The following DNA2 variants were observed in gnomAD, a reference collection of about 807,000 sequenced individuals.
DNA2 encodes DNA replication ATP-dependent helicase/nuclease DNA2.
DNA2 carries 101 observed loss-of-function variants against 119.1 expected under a neutral mutation model. The observed-to-expected ratio is 0.85, with a 90% confidence interval of 0.72 to 1.00. The LOEUF (loss-of-function observed/expected upper bound fraction) is 1.00. Among genes scored for constraint, DNA2 ranks in the 50% least tolerant of loss-of-function variants. The pLI is 0.00. For missense variants in DNA2, 1,121 were observed against 1,255.5 expected, an observed-to-expected ratio of 0.89 and a Z score of 1.62; for synonymous variants, 366 against 424.4, an observed-to-expected ratio of 0.86 and a Z score of 1.69.
intron 13 of DNA2, among the ~76,000 whole-genome samples, chr10:68,431,363 A>G (rs1239536981): frequency 6.6e-6 from 1 of 151,866 alleles, no homozygotes; most frequent in East Asian, 1.9e-4. Flanking sequence ...GCTCACTACA[A>G]CCTCTGCCTC....
upstream of DNA2, chr10:68,472,212 A>G (rs1254497007): frequency 5.7e-6 from 7 of 1,236,848 alleles, no homozygotes; most frequent in Non-Finnish European, 7.3e-6. Context: ...CTCCTGCTTC[A>G]GCCTCCCAAG....
At chr10:68,418,769 T>G (rs939774620) in intron 19 of DNA2, among the ~76,000 whole-genome samples, 7 of 148,888 alleles carry the variant, frequency 4.7e-5, no homozygotes, top group Non-Finnish European at 8.9e-5. Flanking sequence ...ACCTCCTGGG[T>G]TCAAGCAATT....
intron 20 of DNA2, 68 bp from the exon 21 acceptor site, chr10:68,415,175 T>A (rs1487599706): frequency 3.0e-6 from 3 of 988,632 alleles, no homozygotes; most frequent in Non-Finnish European, 4.5e-6. Context: ...CATTATTATT[T>A]AACATTTTGT....
intron 18 of DNA2, 150 bp from the exon 19 acceptor site, chr10:68,419,363 G>T: frequency 1.6e-6 from 1 of 628,178 alleles, no homozygotes; most frequent in Non-Finnish European, 2.6e-6. Context: ...TACTGAATTT[G>T]CTCTAAATCT....
intron 10 of DNA2, 140 bp downstream of exon 10, chr10:68,436,871 C>CA: frequency 3.1e-6 from 2 of 649,920 alleles, no homozygotes; most frequent in Non-Finnish European, 5.1e-6. Context: ...TGAAAATACT[C>CA]AAAGTTGATT....
At chr10:68,451,496 AAG>A (rs1216364499) in intron 5 of DNA2, among the ~76,000 whole-genome samples, 29 of 152,182 alleles carry the variant, frequency 1.9e-4, no homozygotes, top group African/African-American at 5.5e-4. Flanking sequence ...GCAGAAAGAT[AAG>A]AGTTACCTCT....
intron 17 of DNA2, 117 bp downstream of exon 17, chr10:68,422,108 C>A (rs978593093): frequency 3.7e-6 from 3 of 808,936 alleles, no homozygotes; most frequent in Non-Finnish European, 3.7e-6. Flanking sequence ...CCACCACGCC[C>A]AGCCTAGTTT....
chr10:68,445,938 C>A (rs2052033132), intron 7 of DNA2, among the ~76,000 whole-genome samples: 1 of 151,954 alleles, frequency 6.6e-6, no homozygotes, highest in Admixed American at 6.6e-5. Context: ...ACCAGCCTGG[C>A]CAACATGGCG....
Position 68,422,438 on chromosome 10 carries a change from A to G in DNA2, c.2493-9T>C. On this transcript the variant is annotated splice_polypyrimidine_tract_variant and intron_variant, in intron 16 of 20. Coordinates refer to ENST00000358410, the MANE Select transcript of DNA2 (RefSeq NM_001080449.3). ...TTAAGGACATAATTTTACTAAGGGA[A>G]TTACAAAAGATAACTTTAGTTTTGG... 6.2e-7 allele frequency: 1 copy of G among 1,613,108 alleles called. No homozygotes were observed. Among genetic ancestry groups the G allele is most frequent in the Non-Finnish European group, 8.5e-7 (1 of 1,179,432 alleles).
chr10:68,443,073 A>G lies in DNA2; in HGVS notation c.1259T>C (p.Ile420Thr). ...EQQMDCSSVPIVMLPKIEEET... is the reference protein window; with the variant it reads ...EQQMDCSSVPTVMLPKIEEET... ...TTCTTCTATTTTGGGCAGCATCACAATTGGGACTGAACTACAATCCATCTG... is the reference window on the plus strand; with the variant it reads ...TTCTTCTATTTTGGGCAGCATCACAGTTGGGACTGAACTACAATCCATCTG... The change falls in exon 9 of 21, where the codon ATT (isoleucine) becomes ACT (threonine). Residue 420 changes from isoleucine to threonine, a missense_variant. Coordinates refer to ENST00000358410, the MANE Select transcript of DNA2 (RefSeq NM_001080449.3). 6.3e-7 allele frequency: 1 copy of G among 1,582,676 alleles called. No homozygotes were observed. Among genetic ancestry groups the G allele is most frequent in the South Asian group, 1.1e-5 (1 of 87,094 alleles).
At chr10:68,421,639 G>A (rs2051666054) in intron 17 of DNA2, among the ~76,000 whole-genome samples, 1 of 151,368 alleles carries the variant, frequency 6.6e-6, no homozygotes, top group African/African-American at 2.4e-5. Flanking sequence ...TGTAATCCCA[G>A]CTACTTGGGT....
intron 9 of DNA2, among the ~76,000 whole-genome samples, chr10:68,439,960 T>A (rs2051945814): frequency 6.6e-6 from 1 of 151,216 alleles, no homozygotes; most frequent in African/African-American, 2.4e-5. Flanking sequence ...GCTGAGATCG[T>A]GCCACTGCAC....
intron 14 of DNA2, among the ~76,000 whole-genome samples, chr10:68,424,246 G>A (rs2051704784): frequency 6.6e-6 from 1 of 152,214 alleles, no homozygotes; most frequent in African/African-American, 2.4e-5. Flanking sequence ...GCTCACGCCT[G>A]TAATCCCAAC....
At chr10:68,448,979 G>A (rs998500662) in intron 6 of DNA2, among the ~76,000 whole-genome samples, 1 of 139,142 alleles carries the variant, frequency 7.2e-6, no homozygotes, top group African/African-American at 3.1e-5. Flanking sequence ...GTGTGTGTGT[G>A]TGTGTGTAGT....
chr10:68,445,081 ATTCTATG>A lies in DNA2; in HGVS notation c.1058-5_1059del, dbSNP rs1452119593. On this transcript the variant is annotated splice_acceptor_variant and splice_polypyrimidine_tract_variant and coding_sequence_variant and intron_variant, in exon 8 of 21. Transcript: ENST00000358410. LOFTEE classifies it high-confidence loss of function. ...GCCATCTGGTTTCTTAGCTTTAATA[ATTCTATG>A]AAAAAAAAGGTGAATGTCTTTTTAA... The A allele has an allele frequency of 1.3e-6, 2 of 1,590,492 alleles. No homozygotes were observed. The highest frequency in any genetic ancestry group is 1.8e-5 in the Admixed American group (1 of 56,046).
At chr10:68,426,087 G>T (rs1442833050) in intron 14 of DNA2, among the ~76,000 whole-genome samples, 1 of 152,076 alleles carries the variant, frequency 6.6e-6, no homozygotes, top group African/African-American at 2.4e-5. Flanking sequence ...AGAGAGCCAA[G>T]ATCGGGCCAT....
chr10:68,424,638 C>T (rs35329290), intron 14 of DNA2: 2 of 1,593,878 alleles, frequency 1.3e-6, no homozygotes, highest in African/African-American at 2.7e-5. Flanking sequence ...GCACGTGCAC[C>T]GGAAGATCAT....
intron 14 of DNA2, chr10:68,424,657 C>T (rs1448174878): frequency 6.8e-6 from 11 of 1,606,456 alleles, no homozygotes; most frequent in African/African-American, 5.4e-5. Flanking sequence ...ATGTCATCCC[C>T]GCTCTCCAAG....
chr10:68,427,621 C>G (rs1221051962), intron 14 of DNA2, among the ~76,000 whole-genome samples: 1 of 147,420 alleles, frequency 6.8e-6, no homozygotes, highest in African/African-American at 2.5e-5. Context: ...TGCACTCCAG[C>G]CTGGGCAACA....
Sources: gnomAD v4.1 joint callset for allele counts (sites outside exome capture counted in the v4.1 genomes callset) on GRCh38, gnomAD v4.1.1 for gene constraint, MANE v1.5 for transcripts, NCBI Gene and HGNC (gene_info 2026-07-23, HGNC 2026-07-21) for gene names.